Variants in FOXN3 observed in about 807,000 individuals in gnomAD.
The protein encoded by FOXN3 is forkhead box protein N3.
FOXN3 carries 7 observed loss-of-function variants against 38.4 expected under a neutral mutation model. The observed-to-expected ratio is 0.18, with a 90% CI of 0.10 to 0.34. FOXN3 has a LOEUF of 0.34. Ranked by LOEUF, FOXN3 falls within the 10% of genes least tolerant of loss-of-function variation. The probability of loss-of-function intolerance (pLI) is 1.00; values close to 1 mark genes in which losing one functional copy is unlikely to be tolerated. For missense variants in FOXN3, 456 were observed against 613.4 expected, an observed-to-expected ratio of 0.74 and a Z score of 2.71; for synonymous variants, 230 against 242.2, an observed-to-expected ratio of 0.95 and a Z score of 0.47.
At chr14:89,536,647 G>GCATGCCTGAAATCCCA (rs1175026993) in intron 1 of FOXN3, among the ~76,000 whole-genome samples, 2 of 152,094 alleles carry the variant, frequency 1.3e-5, no homozygotes, top group East Asian at 3.9e-4. Context: ...GTATTGTGGT[G>GCATGCCTGAAATCCCA]CATGCCTGAA....
chr14:89,532,787 T>C (rs897241611), intron 1 of FOXN3, among the ~76,000 whole-genome samples: 3 of 152,170 alleles, frequency 2.0e-5, no homozygotes, highest in Admixed American at 1.3e-4. Flanking sequence ...CTTACATAGA[T>C]TTAAAAACAA....
At chr14:89,362,746 TCCACCACCACCACCACCA>T (rs71130063) in intron 2 of FOXN3, among the ~76,000 whole-genome samples, 1 of 1,568 alleles carries the variant, frequency 6.4e-4, no homozygotes, top group Non-Finnish European at 1.6e-3. Context: ...CACCACCATC[TCCACCACCACCACCACCA>T]CCACCACCAC....
chr14:89,480,484 C>T (rs187093235), intron 1 of FOXN3, among the ~76,000 whole-genome samples: 104 of 152,162 alleles, frequency 6.8e-4, no homozygotes, highest in Non-Finnish European at 1.3e-3. Flanking sequence ...TATAACCTGG[C>T]CAGCTGGCTC....
rs1466246617 is a variant in FOXN3, at chr14:89,498,796, G to A, written c.-14-86306C>T. 2.0e-5 allele frequency among the ~76,000 whole-genome samples: 3 copies of A among 149,108 alleles called. No homozygotes were observed. The Admixed American group carries it at 2.1e-4, about 10-fold the overall frequency. ...GGTGGTGGGCTGCACACAGAGGGCGGGGGGCTCTTGGTGGGTGGGCTGCAC... is the reference window on the plus strand; with the variant it reads ...GGTGGTGGGCTGCACACAGAGGGCGAGGGGCTCTTGGTGGGTGGGCTGCAC... On this transcript the variant is annotated intron_variant, in intron 1 of 6. Transcript: ENST00000345097.
chr14:89,606,235 A>G (rs1490502890), intron 1 of FOXN3, among the ~76,000 whole-genome samples: 3 of 152,204 alleles, frequency 2.0e-5, no homozygotes, highest in Non-Finnish European at 4.4e-5. Context: ...TCTTACTATA[A>G]AATAAGTTGA....
At chr14:89,527,420 T>C (rs394667) in intron 1 of FOXN3, among the ~76,000 whole-genome samples, 59,171 of 152,028 alleles carry the variant, frequency 0.39, 11,954 homozygotes, top group East Asian at 0.6. Context: ...TTGAAAGACA[T>C]TTAAGAGAAT....
intron 1 of FOXN3, among the ~76,000 whole-genome samples, chr14:89,599,367 G>T (rs930935050): frequency 9.9e-5 from 15 of 152,098 alleles, no homozygotes; most frequent in African/African-American, 3.6e-4. Flanking sequence ...CACTCATTTA[G>T]ATTTTAACTG....
At chr14:89,615,373 T>C (rs568799733) in intron 1 of FOXN3, among the ~76,000 whole-genome samples, 32 of 152,322 alleles carry the variant, frequency 2.1e-4, no homozygotes, top group African/African-American at 7.5e-4. Context: ...TGAATTGGAA[T>C]TGTATTGAAC....
intron 3 of FOXN3, among the ~76,000 whole-genome samples, chr14:89,312,747 C>T (rs1379105929): frequency 6.6e-6 from 1 of 152,106 alleles, no homozygotes; most frequent in Non-Finnish European, 1.5e-5. Flanking sequence ...ACTACTAGCC[C>T]CTACAACATT....
At chr14:89,495,444 A>G (rs555634337) in intron 1 of FOXN3, among the ~76,000 whole-genome samples, 1 of 152,358 alleles carries the variant, frequency 6.6e-6, no homozygotes, top group East Asian at 1.9e-4. Flanking sequence ...AAAGCAGAAC[A>G]GAAAATGGAT....
intron 3 of FOXN3, among the ~76,000 whole-genome samples, chr14:89,306,153 G>A (rs1209979489): frequency 6.6e-6 from 1 of 152,154 alleles, no homozygotes; most frequent in African/African-American, 2.4e-5. Context: ...AATTCTCTGT[G>A]TGGAGAAGAG....
Position 89,267,958 on chromosome 14 carries a change from A to C in FOXN3, c.745+12992T>G, listed in dbSNP as rs548157989. 2.0e-5 allele frequency among the ~76,000 whole-genome samples: 3 copies of C among 152,274 alleles called. No individual in the cohort carries two copies. In the South Asian group the frequency reaches 6.2e-4, roughly 32 times the overall value. On this transcript the variant is annotated intron_variant, in intron 4 of 5. Transcript: ENST00000557258. ...AAATAGCATTTGTGCTATAGACCTG[A>C]ATTTAGCATTTGAGGGACCTGGCTT...
chr14:89,271,322 C>G (rs1023031709), intron 4 of FOXN3, among the ~76,000 whole-genome samples: 1 of 152,174 alleles, frequency 6.6e-6, no homozygotes, highest in Non-Finnish European at 1.5e-5. Flanking sequence ...AACAGAATTT[C>G]AAGGGGAATG....
At chr14:89,492,537 C>T (rs1416269282) in intron 1 of FOXN3, among the ~76,000 whole-genome samples, 2 of 152,116 alleles carry the variant, frequency 1.3e-5, no homozygotes, top group Non-Finnish European at 2.9e-5. Context: ...AGTTTAAGAC[C>T]AGCCTGGAAA....
chr14:89,399,219 G>A (rs1420106363), intron 2 of FOXN3, among the ~76,000 whole-genome samples: 1 of 152,184 alleles, frequency 6.6e-6, no homozygotes, highest in Non-Finnish European at 1.5e-5. Context: ...ACAAGGCGCA[G>A]AGATGATGGT....
intron 3 of FOXN3, among the ~76,000 whole-genome samples, chr14:89,343,603 T>C (rs1888677022): frequency 6.7e-6 from 1 of 149,786 alleles, no homozygotes; most frequent in Non-Finnish European, 1.5e-5. Flanking sequence ...GCCAAAATCT[T>C]TGGAGAGGCC....
At chr14:89,234,794 C>T (rs1296528140) in intron 4 of FOXN3, among the ~76,000 whole-genome samples, 1 of 148,276 alleles carries the variant, frequency 6.7e-6, no homozygotes, top group Non-Finnish European at 1.5e-5. Context: ...CCAGTCGAGC[C>T]CTACACACCC....
In FOXN3 at chr14:89,162,920, C is replaced by T. The variant is rs1354011449; in HGVS notation, c.901G>A (p.Gly301Ser). The change falls in exon 6 of 6, where the codon GGC becomes AGC. Residue 301 changes from glycine (G) to serine (S), a missense_variant. Transcript: ENST00000557258. This position sits in a 1 kb window ranked among gnomAD's most constrained non-coding sequence, Gnocchi z 7.2. ...GGGTCTCCGCTGACCACTGGGGAGC[C>T]ACAAGATGGCTCACTCTCAGTCCGC... ...RMRTESEPSC[G>S]SPVVSGDPKE... The T allele has an allele frequency of 6.3e-7, 1 of 1,589,448 alleles. No individual in the cohort carries two copies. The highest frequency in any genetic ancestry group is 8.6e-7 in the Non-Finnish European group (1 of 1,164,494).
chr14:89,355,452 G>T (rs1462335054), intron 2 of FOXN3, among the ~76,000 whole-genome samples: 1 of 152,004 alleles, frequency 6.6e-6, no homozygotes, highest in African/African-American at 2.4e-5. Context: ...GGCCAGGCTG[G>T]TCTCGAACTC....
Sources: gnomAD v4.1 joint callset for allele counts (sites outside exome capture counted in the v4.1 genomes callset) on GRCh38, gnomAD v4.1.1 for gene constraint, Gnocchi (gnomAD v3.1) non-coding constraint, MANE v1.5 for transcripts, NCBI Gene and HGNC (gene_info 2026-07-23, HGNC 2026-07-21) for gene names.